The following RAB3IP variants were observed in gnomAD, a reference collection of about 807,000 sequenced individuals.
RAB3IP encodes the protein RAB3A interacting protein, also known as rab-3A-interacting protein.
Under a neutral mutation model 59.1 loss-of-function variants are expected in RAB3IP, and 36 were observed. That is an observed-to-expected ratio of 0.61 (90% CI 0.47 to 0.80). RAB3IP has a LOEUF of 0.80. RAB3IP is among the 30% of genes least tolerant of loss of function. The probability of loss-of-function intolerance (pLI) is 0.00; values close to 1 mark genes in which losing one functional copy is unlikely to be tolerated. For synonymous variants in RAB3IP, 207 were observed against 191.2 expected (o/e 1.08, Z -0.68); for missense variants, 511 against 536.0 (o/e 0.95, Z 0.46).
intron 6 of RAB3IP, chr12:69,796,625 A>T: frequency 1.6e-6 from 1 of 631,530 alleles, no homozygotes; most frequent in Non-Finnish European, 2.9e-6. Flanking sequence ...TTGACGAATT[A>T]TCAATAAAAA....
chr12:69,788,209 TC>T (rs1220288383), intron 4 of RAB3IP, among the ~76,000 whole-genome samples: 2 of 152,116 alleles, frequency 1.3e-5, no homozygotes, highest in East Asian at 3.9e-4. Context: ...CTATTTTAAA[TC>T]ATTATTTTGT....
chr12:69,757,027 G>A (rs572564884), intron 3 of RAB3IP, among the ~76,000 whole-genome samples: 11 of 152,272 alleles, frequency 7.2e-5, no homozygotes, highest in African/African-American at 2.6e-4. Flanking sequence ...AAGTCACTCA[G>A]TCTAAGTCAT....
intron 8 of RAB3IP, among the ~76,000 whole-genome samples, chr12:69,810,612 A>G (rs1880289357): frequency 1.3e-5 from 2 of 151,950 alleles, no homozygotes; most frequent in South Asian, 2.1e-4. Flanking sequence ...AAACAAATCA[A>G]AGTGCGTTCA....
intron 4 of RAB3IP, among the ~76,000 whole-genome samples, chr12:69,794,213 A>G (rs1248628264): frequency 2.0e-5 from 3 of 152,190 alleles, no homozygotes; most frequent in Admixed American, 1.3e-4. Flanking sequence ...ATTGATCTCA[A>G]CTTGGCTGCC....
chr12:69,739,601 G>T, intron 1 of RAB3IP: 2 of 585,022 alleles, frequency 3.4e-6, no homozygotes, highest in Non-Finnish European at 6.1e-6. Context: ...GGTCACCCTC[G>T]GGAGGTTTCG....
At chr12:69,768,254 C>A (rs1397177802) in intron 3 of RAB3IP, among the ~76,000 whole-genome samples, 1 of 152,158 alleles carries the variant, frequency 6.6e-6, no homozygotes, top group Non-Finnish European at 1.5e-5. Flanking sequence ...CTTGCTGTAC[C>A]ACAGTCTATG....
chr12:69,788,366 A>G (rs1318701377), intron 4 of RAB3IP, among the ~76,000 whole-genome samples: 2 of 152,154 alleles, frequency 1.3e-5, no homozygotes, highest in Admixed American at 1.3e-4. Context: ...ACAACATGTT[A>G]CTATACTGAA....
At chr12:69,796,372 A>AT in intron 6 of RAB3IP, 1 of 269,148 alleles carries the variant, frequency 3.7e-6, no homozygotes, top group Non-Finnish European at 6.9e-6. Context: ...ATATATAAAT[A>AT]TTTTGAGCTG....
rs921381642 is a variant in RAB3IP at position 69,820,267 on chromosome 12, G to A, written c.*4821G>A. ...AGCAAAATTCTGGGGCTTATTCTAG[G>A]TTCCTTTATTTGTCATTGTCACTCC... On this transcript the variant is annotated 3_prime_UTR_variant, in exon 11 of 11. Transcript: ENST00000247833. 1.3e-5 allele frequency: 2 copies of A among 152,066 alleles called. No individual in the cohort carries two copies. Among genetic ancestry groups the A allele is most frequent in the Non-Finnish European group, 2.9e-5 (2 of 68,054 alleles). 9.4% of individuals were successfully genotyped at this position (152,066 alleles called of 1,614,324 possible). A position where few individuals can be genotyped will look rare whatever the true frequency, so the allele number is the denominator to read the frequency against.
At chr12:69,752,982 C>G (rs188462238) in intron 1 of RAB3IP, among the ~76,000 whole-genome samples, 123 of 152,174 alleles carry the variant, frequency 8.1e-4, no homozygotes, top group Non-Finnish European at 1.4e-3. Context: ...ACCTTACATT[C>G]CTTATTAATC....
intron 1 of RAB3IP, chr12:69,739,955 G>T: frequency 7.6e-7 from 1 of 1,314,564 alleles, no homozygotes; most frequent in Non-Finnish European, 1.1e-6. Flanking sequence ...TTGCCTGTTC[G>T]GAGGCTACCT....
chr12:69,771,410 C>G (rs1254332312), intron 3 of RAB3IP, among the ~76,000 whole-genome samples: 1 of 151,944 alleles, frequency 6.6e-6, no homozygotes, highest in Non-Finnish European at 1.5e-5. Flanking sequence ...GCCTGTGTTC[C>G]CAGCTACTTG....
chr12:69,763,325 T>C (rs537561502), intron 3 of RAB3IP, among the ~76,000 whole-genome samples: 1 of 152,180 alleles, frequency 6.6e-6, no homozygotes, highest in Non-Finnish European at 1.5e-5. Flanking sequence ...CTGCTAAAAC[T>C]GTGACTAACT....
Position 69,755,501 on chromosome 12 carries a change from A to G in RAB3IP, c.93A>G (p.Gln31=). The change falls in exon 2 of 11, where the codon CAA becomes CAG. Residue 31 remains glutamine (Q), a synonymous_variant. Transcript: ENST00000247833. ...DLLGVYESGT[Q]EQTTSPSVIY... is the part of the protein sequence containing the mutation. ...TTGGTGTGTATGAATCAGGAACTCA[A>G]GAGCAGACTACCTCACCAAGTGTCA... 1 of 1,614,156 alleles carries G rather than the reference A, an allele frequency of 6.2e-7. No individual in the cohort carries two copies. The highest frequency in any genetic ancestry group is 8.5e-7 in the Non-Finnish European group (1 of 1,180,032).
At chr12:69,756,776 A>G in intron 3 of RAB3IP, 113 bp downstream of exon 3, 1 of 857,930 alleles carries the variant, frequency 1.2e-6, no homozygotes, top group Non-Finnish European at 1.8e-6. Context: ...TTTATCCGTC[A>G]CATATGCCCA....
chr12:69,782,957 C>G (rs1484342049), intron 3 of RAB3IP, among the ~76,000 whole-genome samples: 3 of 152,150 alleles, frequency 2.0e-5, no homozygotes, highest in East Asian at 1.9e-4. Flanking sequence ...AAATACTCAG[C>G]TCACATTTTT....
chr12:69,770,873 A>G (rs1475369732), intron 3 of RAB3IP, among the ~76,000 whole-genome samples: 3 of 152,210 alleles, frequency 2.0e-5, no homozygotes, highest in Non-Finnish European at 4.4e-5. Context: ...GTGATGAGAC[A>G]TTAAAAATCT....
chr12:69,739,611 G>C (rs570930695), intron 1 of RAB3IP: 2 of 590,146 alleles, frequency 3.4e-6, no homozygotes, highest in East Asian at 5.7e-5. Flanking sequence ...GGGAGGTTTC[G>C]GTGAAACCTG....
At chr12:69,798,503 T>G (rs192157194) in intron 6 of RAB3IP, among the ~76,000 whole-genome samples, 13,209 of 151,630 alleles carry the variant, frequency 0.087, 750 homozygotes, top group East Asian at 0.13. Flanking sequence ...TAGTTTCTTT[T>G]GCTGTGCAGA....
Sources: gnomAD v4.1 joint callset for allele counts (sites outside exome capture counted in the v4.1 genomes callset) on GRCh38, gnomAD v4.1.1 for gene constraint, MANE v1.5 for transcripts, NCBI Gene and HGNC (gene_info 2026-07-23, HGNC 2026-07-21) for gene names.